Variants in STPG1 observed in about 807,000 individuals in gnomAD.
The protein encoded by STPG1 is O(6)-methylguanine-induced apoptosis 2.
Under a neutral mutation model 40.1 loss-of-function variants are expected in STPG1, and 33 were observed. The observed-to-expected ratio is 0.82, with a 90% confidence interval of 0.62 to 1.10. STPG1 has a LOEUF of 1.10. STPG1 is among the 50% of genes least tolerant of loss of function. The pLI is 0.00. For synonymous variants in STPG1, 150 were observed against 155.0 expected (o/e 0.97, Z 0.24); for missense variants, 396 against 415.1 (o/e 0.95, Z 0.40).
At chr1:24,362,558 A>G (rs1378018062) in intron 7 of STPG1, among the ~76,000 whole-genome samples, 1 of 152,250 alleles carries the variant, frequency 6.6e-6, no homozygotes, top group Non-Finnish European at 1.5e-5. Flanking sequence ...GAGAAAAGGT[A>G]TGTAAAGCAC....
At chr1:24,387,330 A>G (rs769996872) in intron 3 of STPG1, among the ~76,000 whole-genome samples, 13 of 152,130 alleles carry the variant, frequency 8.5e-5, no homozygotes, top group Non-Finnish European at 1.9e-4. Flanking sequence ...AAATGCGCAG[A>G]TTTGAGTTGG....
At chr1:24,378,185 GACTC>G (rs1642116878) in intron 5 of STPG1, among the ~76,000 whole-genome samples, 1 of 152,160 alleles carries the variant, frequency 6.6e-6, no homozygotes, top group Non-Finnish European at 1.5e-5. Context: ...GGATTTTAAA[GACTC>G]ACTACAAGGA....
At chr1:24,382,324 T>C (rs1372028301) in intron 4 of STPG1, among the ~76,000 whole-genome samples, 1 of 152,254 alleles carries the variant, frequency 6.6e-6, no homozygotes, top group Non-Finnish European at 1.5e-5. Context: ...GCAGGAAGTA[T>C]TGTTTGTGAC....
At chr1:24,361,396 G>A (rs1167812184) in intron 7 of STPG1, among the ~76,000 whole-genome samples, 1 of 152,112 alleles carries the variant, frequency 6.6e-6, no homozygotes, top group Non-Finnish European at 1.5e-5. Flanking sequence ...TATCTCATGT[G>A]CCAACTCTGA....
intron 2 of STPG1, among the ~76,000 whole-genome samples, chr1:24,400,874 T>C (rs1643196356): frequency 1.3e-5 from 2 of 152,176 alleles, no homozygotes. Flanking sequence ...CACTAACTAT[T>C]GGGAAAGTTC....
At chr1:24,379,323 C>A (rs1057424695) in intron 5 of STPG1, 3 of 216,876 alleles carry the variant, frequency 1.4e-5, no homozygotes, top group African/African-American at 4.6e-5. Flanking sequence ...TGGCTGCAGA[C>A]AAAGTGGTAA....
At chr1:24,367,825 T>C (rs142848407) in intron 7 of STPG1, among the ~76,000 whole-genome samples, 192 of 152,294 alleles carry the variant, frequency 1.3e-3, no homozygotes, top group African/African-American at 4.4e-3. Flanking sequence ...GTAATAGCTA[T>C]TTTCCAACAT....
At chr1:24,402,598 C>T (rs972371297) in intron 1 of STPG1, among the ~76,000 whole-genome samples, 20 of 151,560 alleles carry the variant, frequency 1.3e-4, no homozygotes, top group African/African-American at 3.6e-4. Flanking sequence ...CCCATCTCTA[C>T]GAAAAATAAA....
At chr1:24,372,343 G>A (rs1011652701) in intron 6 of STPG1, among the ~76,000 whole-genome samples, 3 of 152,172 alleles carry the variant, frequency 2.0e-5, no homozygotes, top group African/African-American at 7.2e-5. Flanking sequence ...TGCTCCATGG[G>A]GCTTTGGAGC....
At chr1:24,358,802 G>A (rs1640898637) in intron 8 of STPG1, among the ~76,000 whole-genome samples, 183 bp from the exon 9 acceptor site, 1 of 152,178 alleles carries the variant, frequency 6.6e-6, no homozygotes, top group Non-Finnish European at 1.5e-5. Flanking sequence ...TGGCCCAGGG[G>A]AAGTCAAACT....
At chr1:24,364,680 C>G (rs1248382662) in intron 7 of STPG1, among the ~76,000 whole-genome samples, 2 of 152,186 alleles carry the variant, frequency 1.3e-5, no homozygotes, top group Non-Finnish European at 2.9e-5. Context: ...GCTGGTCCCT[C>G]CATGTCGAGG....
At chr1:24,386,280 T>C (rs1642500345) in intron 3 of STPG1, among the ~76,000 whole-genome samples, 1 of 152,240 alleles carries the variant, frequency 6.6e-6, no homozygotes, top group South Asian at 2.1e-4. Context: ...TTTAACACAC[T>C]TTAATTCTGC....
At chr1:24,365,710 G>C (rs1314484115) in intron 7 of STPG1, among the ~76,000 whole-genome samples, 1 of 152,234 alleles carries the variant, frequency 6.6e-6, no homozygotes, top group Non-Finnish European at 1.5e-5. Context: ...GTTACCATGT[G>C]AATTTTGTGG....
rs1433271104 is a variant in STPG1 at position 24,358,379 on chromosome 1, G to C, written c.*164C>G. ...AGCAATGTCTCCAGCTCAAGACAAA[G>C]GCAATGGCAGCAGTCCGGCTAGGAT... On this transcript the variant is annotated 3_prime_UTR_variant, in exon 9 of 9. Transcript: ENST00000337248. 1.4e-5 allele frequency: 10 copies of C among 722,676 alleles called. No homozygotes were observed. In the East Asian group the frequency reaches 2.6e-4, roughly 19 times the overall value. The allele number at this position is 722,676 out of a possible 1,614,324, so 44.8% of individuals were successfully genotyped here.
At chr1:24,384,240 T>G (rs970050778) in intron 3 of STPG1, among the ~76,000 whole-genome samples, 1 of 152,244 alleles carries the variant, frequency 6.6e-6, no homozygotes, top group Non-Finnish European at 1.5e-5. Context: ...CCTTGCTCTT[T>G]CCACTATGCC....
At chr1:24,370,365 G>C (rs1641680177) in intron 6 of STPG1, among the ~76,000 whole-genome samples, 1 of 149,682 alleles carries the variant, frequency 6.7e-6, no homozygotes, top group African/African-American at 2.5e-5. Context: ...GTCCAGGCTG[G>C]AATGCAGTGG....
chr1:24,396,484 A>G (rs1424744946), intron 2 of STPG1, among the ~76,000 whole-genome samples: 1 of 152,116 alleles, frequency 6.6e-6, no homozygotes, highest in Admixed American at 6.5e-5. Flanking sequence ...TAGATAGTAA[A>G]TATTTTAGTC....
At chr1:24,369,950 G>C (rs1641658935) in intron 6 of STPG1, 111 bp from the exon 7 acceptor site, 1 of 912,602 alleles carries the variant, frequency 1.1e-6, no homozygotes, top group Non-Finnish European at 1.6e-6. Context: ...CATCACTCTA[G>C]GATGGCCAAG....
At chr1:24,404,535 C>T (rs960802127) in intron 1 of STPG1, among the ~76,000 whole-genome samples, 4 of 152,092 alleles carry the variant, frequency 2.6e-5, no homozygotes, top group Admixed American at 6.5e-5. Context: ...CAAGTTAAGC[C>T]GTCTGGGCCT....
Sources: allele counts gnomAD v4.1 joint callset (sites outside exome capture counted in the v4.1 genomes callset), GRCh38; gene constraint gnomAD v4.1.1; transcripts MANE v1.5; gene names NCBI Gene and HGNC (gene_info 2026-07-23, HGNC 2026-07-21).